Variants in STX8 observed in about 807,000 individuals in gnomAD.
STX8 encodes syntaxin 8.
Under a neutral mutation model 37.5 loss-of-function variants are expected in STX8, and 23 were observed. The observed-to-expected ratio is 0.61, with a 90% CI of 0.44 to 0.87. The LOEUF (loss-of-function observed/expected upper bound fraction) is 0.87, where lower values mean the gene tolerates loss of function less well. STX8 is among the 40% of genes least tolerant of loss of function. The probability of loss-of-function intolerance (pLI) is 0.00; values close to 1 mark genes in which losing one functional copy is unlikely to be tolerated. For missense variants in STX8, 313 were observed against 284.7 expected (o/e 1.10, Z -0.71); for synonymous variants, 115 against 99.1 (o/e 1.16, Z -0.95).
At chr17:9,371,627 G>A (rs1274949855) in intron 7 of STX8, among the ~76,000 whole-genome samples, 1 of 141,010 alleles carries the variant, frequency 7.1e-6, no homozygotes, top group Non-Finnish European at 1.5e-5. Flanking sequence ...TTTATCAAAT[G>A]GATTATGCTT....
chr17:9,412,638 T>C (rs1913023152), intron 6 of STX8, among the ~76,000 whole-genome samples: 1 of 152,138 alleles, frequency 6.6e-6, no homozygotes, highest in Non-Finnish European at 1.5e-5. Context: ...TACCCTAAAA[T>C]GGAAGTTACT....
intron 6 of STX8, among the ~76,000 whole-genome samples, chr17:9,450,201 T>A (rs1300881389): frequency 6.6e-6 from 1 of 151,632 alleles, no homozygotes; most frequent in East Asian, 1.9e-4. Context: ...TCAGCCTCCC[T>A]AGTAGCTGGG....
intron 6 of STX8, among the ~76,000 whole-genome samples, chr17:9,422,105 G>GTT (rs567821440): frequency 0.013 from 1,847 of 139,648 alleles, 42 homozygotes; most frequent in African/African-American, 0.045. Flanking sequence ...TCGGGTAGTA[G>GTT]TTTTTTTTTT....
intron 7 of STX8, among the ~76,000 whole-genome samples, chr17:9,301,785 G>A (rs1168504728): frequency 6.6e-6 from 1 of 152,000 alleles, no homozygotes; most frequent in African/African-American, 2.4e-5. Flanking sequence ...CACGGCGCCC[G>A]GCCAGTGCTT....
chr17:9,431,558 G>A (rs1913984255), intron 6 of STX8, among the ~76,000 whole-genome samples: 3 of 152,202 alleles, frequency 2.0e-5, no homozygotes, highest in African/African-American at 7.2e-5. Flanking sequence ...GCCTCTGAAA[G>A]TGCTGGGATT....
At chr17:9,426,810 G>C (rs184367286) in intron 6 of STX8, among the ~76,000 whole-genome samples, 152 of 152,124 alleles carry the variant, frequency 1.0e-3, no homozygotes, top group African/African-American at 3.6e-3. Flanking sequence ...ATCCTCTGAA[G>C]ATTTTCAGAG....
intron 7 of STX8, among the ~76,000 whole-genome samples, chr17:9,289,608 C>T (rs1908237597): frequency 7.0e-6 from 1 of 142,770 alleles, no homozygotes; most frequent in African/African-American, 2.6e-5. Flanking sequence ...AACCCCATCT[C>T]TACTAAAAAA....
intron 6 of STX8, among the ~76,000 whole-genome samples, chr17:9,440,129 AAAG>A (rs1377681603): frequency 6.6e-5 from 10 of 152,174 alleles, no homozygotes; most frequent in Admixed American, 1.3e-4. Context: ...AGGAAGTCAT[AAAG>A]AAGAGTTGAC....
At chr17:9,396,777 T>G (rs1372874449) in intron 6 of STX8, among the ~76,000 whole-genome samples, 7 of 149,802 alleles carry the variant, frequency 4.7e-5, no homozygotes, top group Non-Finnish European at 1.0e-4. Context: ...TATGCATGTA[T>G]CAAAATCCGA....
At chr17:9,557,250 C>T in intron 3 of STX8, 184 bp downstream of exon 3, 3 of 548,652 alleles carry the variant, frequency 5.5e-6, no homozygotes, top group South Asian at 4.0e-5. Context: ...GCTTTGCCAG[C>T]ATATTCACTG....
chr17:9,464,869 C>T (rs1348419706), intron 6 of STX8: 2 of 152,058 alleles, frequency 1.3e-5, no homozygotes, highest in Non-Finnish European at 2.9e-5. Context: ...ATTACAGGCA[C>T]CTGCCACCAG....
At chr17:9,527,750 G>C (rs1397260129) in intron 4 of STX8, among the ~76,000 whole-genome samples, 2 of 152,140 alleles carry the variant, frequency 1.3e-5, no homozygotes, top group African/African-American at 2.4e-5. Context: ...TAAGGTTTAA[G>C]GAAAGGGGCC....
intron 4 of STX8, 42 bp from the exon 5 acceptor site, chr17:9,505,204 C>CA: frequency 6.4e-7 from 1 of 1,573,004 alleles, no homozygotes; most frequent in Non-Finnish European, 8.7e-7. Flanking sequence ...TCAAAACATG[C>CA]AGCTCAAATG....
At chr17:9,262,448 T>C (rs896209473) in intron 7 of STX8, among the ~76,000 whole-genome samples, 7 of 152,236 alleles carry the variant, frequency 4.6e-5, no homozygotes, top group Admixed American at 2.0e-4. Context: ...GCCCTGCCTT[T>C]GCTCAGACTT....
chr17:9,499,255 G>A lies in STX8; in HGVS notation c.448+5783C>T, dbSNP rs1167118444. Among the ~76,000 whole-genome samples the A allele has an allele frequency of 2.0e-5, 3 of 152,108 alleles. No individual in the cohort carries two copies. The South Asian group carries it at 6.2e-4, about 32-fold the overall frequency. Reference sequence around the variant, plus strand: ...TTCATTTAATGCAGGACCTGGCAAGGACGCAAACAAAGCCATAGCAACTTC... The same window carrying A: ...TTCATTTAATGCAGGACCTGGCAAGAACGCAAACAAAGCCATAGCAACTTC... On this transcript the variant is annotated intron_variant, in intron 5 of 7. Transcript: ENST00000306357.
chr17:9,508,984 C>T (rs1904936967), intron 4 of STX8, among the ~76,000 whole-genome samples: 1 of 152,200 alleles, frequency 6.6e-6, no homozygotes, highest in South Asian at 2.1e-4. Flanking sequence ...TGTGGTGGCT[C>T]ATGCCTGTTA....
At chr17:9,415,790 T>C (rs955174427) in intron 6 of STX8, among the ~76,000 whole-genome samples, 1 of 152,080 alleles carries the variant, frequency 6.6e-6, no homozygotes, top group Admixed American at 6.5e-5. Flanking sequence ...CAAAAAGCAA[T>C]GGCTTTTCTT....
At chr17:9,543,073 C>T (rs1906347127) in intron 4 of STX8, among the ~76,000 whole-genome samples, 1 of 152,164 alleles carries the variant, frequency 6.6e-6, no homozygotes, top group African/African-American at 2.4e-5. Flanking sequence ...GAGTCTGGTG[C>T]AAAACATGCT....
intron 6 of STX8, among the ~76,000 whole-genome samples, chr17:9,385,926 A>G (rs1028919457): frequency 3.3e-5 from 5 of 152,200 alleles, no homozygotes; most frequent in African/African-American, 1.2e-4. Context: ...GGCACGCGCC[A>G]CTGCGCCTGT....
Sources: gnomAD v4.1 joint callset for allele counts (sites outside exome capture counted in the v4.1 genomes callset) on GRCh38, gnomAD v4.1.1 for gene constraint, MANE v1.5 for transcripts, NCBI Gene and HGNC (gene_info 2026-07-23, HGNC 2026-07-21) for gene names.